Variants in PLCB1 observed in about 807,000 individuals in gnomAD.
The protein encoded by PLCB1 is phospholipase C beta 1.
A neutral mutation model predicts 161.8 loss-of-function variants in PLCB1; 46 were observed. That is an observed-to-expected ratio of 0.28 (90% CI 0.22 to 0.36). PLCB1 has a LOEUF of 0.36. Among genes scored for constraint, PLCB1 ranks in the 10% least tolerant of loss-of-function variants. The pLI is 1.00. For missense variants in PLCB1, 1,016 were observed against 1,472.5 expected, an observed-to-expected ratio of 0.69 and a Z score of 5.07; for synonymous variants, 517 against 503.7, an observed-to-expected ratio of 1.03 and a Z score of -0.35.
intron 2 of PLCB1, among the ~76,000 whole-genome samples, chr20:8,227,590 A>G (rs1231656505): frequency 6.6e-6 from 1 of 152,284 alleles, no homozygotes; most frequent in Admixed American, 6.5e-5. Context: ...GCAAAGCTCC[A>G]ATTCTGTCTT....
At position 8,882,225 on chromosome 20, in the gene PLCB1, A is replaced by AAAT. The variant is rs147873196; in HGVS notation, c.*378_*380dup. 0.023 allele frequency: 4,828 copies of AAAT among 207,102 alleles called. 100 individuals carry two copies. Among genetic ancestry groups the AAAT allele is most frequent in the South Asian group, 0.056 (616 of 10,936 alleles). 12.8% of individuals were successfully genotyped at this position (207,102 alleles called of 1,614,324 possible). ...GGTGTAAAATATTTCAAAGTCATAG[A>AAAT]AATAGTTTGAGAAATGCATAGCATT... On this transcript the variant is annotated 3_prime_UTR_variant, in exon 32 of 32. Transcript: ENST00000338037.
intron 2 of PLCB1, among the ~76,000 whole-genome samples, chr20:8,182,101 G>C (rs1420280783): frequency 6.6e-6 from 1 of 152,168 alleles, no homozygotes; most frequent in Non-Finnish European, 1.5e-5. Flanking sequence ...AGCGTTCACA[G>C]GAATTAGTCT....
At position 8,727,497 on chromosome 20, in the gene PLCB1, A is replaced by G. The variant is rs910224795; in HGVS notation, c.1763+104A>G. On this transcript the variant is annotated intron_variant, in intron 17 of 31. Coordinates refer to ENST00000338037, the MANE Select transcript of PLCB1 (RefSeq NM_015192.4). ...AGGAGAAAGATGCATAAAATGGCTT[A>G]AGTATATAGCCTGGGGCGGATAAAT... The G allele has an allele frequency of 5.1e-5, 35 of 687,626 alleles. 2 individuals are homozygous for G. In the Admixed American group the frequency reaches 8.1e-4, roughly 16 times the overall value. 42.6% of individuals were successfully genotyped at this position (687,626 alleles called of 1,614,324 possible). A position where few individuals can be genotyped will look rare whatever the true frequency, so the allele number is the denominator to read the frequency against.
At position 8,863,280 on chromosome 20, in the gene PLCB1, C is replaced by T. The variant is rs1987316914; in HGVS notation, c.3424-18342C>T. On this transcript the variant is annotated intron_variant, in intron 31 of 31. Transcript: ENST00000338037. Reference sequence around the variant, plus strand: ...AAATTTCAGTGGCATTAAACCCACACCTGCATCTGACAATAATCAAGTATG... The same window carrying T: ...AAATTTCAGTGGCATTAAACCCACATCTGCATCTGACAATAATCAAGTATG... Among the ~76,000 whole-genome samples, 4 of 152,328 alleles carry T rather than the reference C, an allele frequency of 2.6e-5. No homozygotes were observed. In the South Asian group the frequency reaches 8.3e-4, roughly 32 times the overall value.
At chr20:8,360,314 T>C (rs1986494859) in intron 2 of PLCB1, among the ~76,000 whole-genome samples, 1 of 152,066 alleles carries the variant, frequency 6.6e-6, no homozygotes, top group African/African-American at 2.4e-5. Flanking sequence ...TGATAGACGC[T>C]GGGGGATGGG....
In PLCB1 at chr20:8,177,560, G is replaced by A. The variant is rs1396098918; in HGVS notation, c.177+27189G>A. Among the ~76,000 whole-genome samples, 3 of 152,158 alleles carry A rather than the reference G, an allele frequency of 2.0e-5. No homozygotes were observed. The East Asian group carries it at 5.8e-4, about 29-fold the overall frequency. ...CTACTCCCTCCTATAAGACACAAGG[G>A]CAGAAATCAGCAACTTCACCCTCTG... On this transcript the variant is annotated intron_variant, in intron 2 of 31. Coordinates refer to ENST00000338037, the MANE Select transcript of PLCB1 (RefSeq NM_015192.4).
intron 2 of PLCB1, among the ~76,000 whole-genome samples, chr20:8,161,008 CT>C (rs1311390935): frequency 6.6e-6 from 1 of 152,064 alleles, no homozygotes; most frequent in Non-Finnish European, 1.5e-5. Context: ...GTAATATTCA[CT>C]AATTTACTTT....
At chr20:8,510,910 G>A (rs1983858444) in intron 3 of PLCB1, among the ~76,000 whole-genome samples, 1 of 152,112 alleles carries the variant, frequency 6.6e-6, no homozygotes, top group Non-Finnish European at 1.5e-5. Context: ...GGTACAATGT[G>A]ATGCTATGTG....
At chr20:8,848,489 A>G (rs1296769035) in intron 31 of PLCB1, among the ~76,000 whole-genome samples, 1 of 136,246 alleles carries the variant, frequency 7.3e-6, no homozygotes, top group East Asian at 3.0e-4. Context: ...ATATGATTGA[A>G]AGGGGTTTAC....
intron 16 of PLCB1, among the ~76,000 whole-genome samples, chr20:8,726,065 A>G (rs1257822817): frequency 6.6e-6 from 1 of 152,136 alleles, no homozygotes; most frequent in Non-Finnish European, 1.5e-5. Context: ...AGGTGAGAAG[A>G]TGGATGACGA....
chr20:8,525,112 A>G (rs1434509622), intron 3 of PLCB1, among the ~76,000 whole-genome samples: 1 of 152,172 alleles, frequency 6.6e-6, no homozygotes, highest in Admixed American at 6.5e-5. Context: ...AAAGCCTTCC[A>G]ATGTCCAGAA....
At chr20:8,254,301 C>T (rs1023646268) in intron 2 of PLCB1, among the ~76,000 whole-genome samples, 1 of 151,842 alleles carries the variant, frequency 6.6e-6, no homozygotes, top group Admixed American at 6.6e-5. Context: ...ACAACATTTG[C>T]AATTGTTAGG....
chr20:8,255,220 G>A (rs1297831930), intron 2 of PLCB1, among the ~76,000 whole-genome samples: 1 of 152,038 alleles, frequency 6.6e-6, no homozygotes, highest in Non-Finnish European at 1.5e-5. Context: ...TTACAAAAAT[G>A]AACAGTGCAA....
At chr20:8,784,260 G>A (rs180868663) in intron 27 of PLCB1, among the ~76,000 whole-genome samples, 31 of 151,886 alleles carry the variant, frequency 2.0e-4, no homozygotes, top group Non-Finnish European at 4.0e-4. Flanking sequence ...TAGGAGTGAG[G>A]GTCTTCTGAA....
At chr20:8,401,287 T>C (rs1978539282) in intron 3 of PLCB1, among the ~76,000 whole-genome samples, 1 of 152,230 alleles carries the variant, frequency 6.6e-6, no homozygotes, top group East Asian at 1.9e-4. Context: ...ATCTCCAGCT[T>C]TTAATTTTAA....
intron 3 of PLCB1, among the ~76,000 whole-genome samples, chr20:8,428,056 A>G (rs968170572): frequency 1.1e-4 from 17 of 152,154 alleles, no homozygotes; most frequent in African/African-American, 4.1e-4. Flanking sequence ...GATTAATTTT[A>G]TAAAGTTTAT....
intron 14 of PLCB1, among the ~76,000 whole-genome samples, chr20:8,720,846 AT>A (rs35830060): frequency 0.045 from 6,663 of 147,404 alleles, 434 homozygotes; most frequent in African/African-American, 0.14. Flanking sequence ...CCCCTCTCTG[AT>A]TTTTTTTTTT....
At chr20:8,145,365 C>T (rs181188102) in intron 1 of PLCB1, among the ~76,000 whole-genome samples, 1 of 152,058 alleles carries the variant, frequency 6.6e-6, no homozygotes, top group Admixed American at 6.6e-5. Flanking sequence ...CTGTAAAGAC[C>T]CTATCTCTAA....
chr20:8,132,592 C>T lies in PLCB1; in HGVS notation c.-60C>T. On this transcript the variant is annotated 5_prime_UTR_variant, in exon 1 of 32. Transcript: ENST00000338037. The surrounding 1 kb of genome is among the most constrained non-coding windows in gnomAD (Gnocchi z 5.2). ...CCCGCGCCCCGCGCCCCGCGCCCCG[C>T]GCACGGTCCCCAGTCCCTGCCGCGC... 1 of 1,129,386 alleles carries T rather than the reference C, an allele frequency of 8.9e-7. No individual in the cohort carries two copies. Among genetic ancestry groups the T allele is most frequent in the Non-Finnish European group, 1.2e-6 (1 of 829,918 alleles). 70.0% of individuals were successfully genotyped at this position (1,129,386 alleles called of 1,614,324 possible). A position where few individuals can be genotyped will look rare whatever the true frequency, so the allele number is the denominator to read the frequency against.
Sources: gnomAD v4.1 joint callset for allele counts (sites outside exome capture counted in the v4.1 genomes callset) on GRCh38, gnomAD v4.1.1 for gene constraint, Gnocchi (gnomAD v3.1) non-coding constraint, MANE v1.5 for transcripts, NCBI Gene and HGNC (gene_info 2026-07-23, HGNC 2026-07-21) for gene names.